Variants in TMEFF2 observed in about 807,000 individuals in gnomAD.
TMEFF2 encodes the protein tomoregulin-2.
TMEFF2 carries 28 observed loss-of-function variants against 53.8 expected under a neutral mutation model. The ratio of observed to expected loss-of-function variants is 0.52; its 90% CI spans 0.39 to 0.71. TMEFF2 has a LOEUF of 0.71. Among genes scored for constraint, TMEFF2 ranks in the 30% least tolerant of loss-of-function variants. TMEFF2 has a pLI of 0.00. For synonymous variants in TMEFF2, 162 were observed against 166.3 expected (o/e 0.97, Z 0.20); for missense variants, 353 against 455.2 (o/e 0.78, Z 2.04).
chr2:192,182,988 C>A (rs1691224112), intron 3 of TMEFF2, among the ~76,000 whole-genome samples: 1 of 151,948 alleles, frequency 6.6e-6, no homozygotes, highest in Admixed American at 6.6e-5. Context: ...TTGACTCTCA[C>A]ATATTGCTGT....
chr2:192,057,228 T>C (rs1006230778), intron 5 of TMEFF2, among the ~76,000 whole-genome samples: 2 of 151,552 alleles, frequency 1.3e-5, no homozygotes, highest in Non-Finnish European at 2.9e-5. Context: ...TATTTTTTTT[T>C]ATGGAGATGT....
intron 7 of TMEFF2, among the ~76,000 whole-genome samples, chr2:191,983,758 A>C (rs1685911142): frequency 6.6e-6 from 1 of 152,230 alleles, no homozygotes; most frequent in Non-Finnish European, 1.5e-5. Flanking sequence ...AACCACTCAA[A>C]GGAAACAGAA....
intron 4 of TMEFF2, chr2:192,176,845 TA>T (rs1456753848): frequency 6.6e-6 from 1 of 151,128 alleles, no homozygotes; most frequent in Non-Finnish European, 1.5e-5. Flanking sequence ...GGAAAATTTT[TA>T]AAAAGTAATA....
chr2:192,043,339 A>G (rs929392873), intron 5 of TMEFF2, among the ~76,000 whole-genome samples: 2 of 152,126 alleles, frequency 1.3e-5, no homozygotes, highest in African/African-American at 2.4e-5. Flanking sequence ...CCCTTTGCAT[A>G]AAGGGGAGGT....
At chr2:192,192,849 T>C (rs936798509) in intron 1 of TMEFF2, among the ~76,000 whole-genome samples, 6 of 152,152 alleles carry the variant, frequency 3.9e-5, no homozygotes, top group African/African-American at 1.4e-4. Flanking sequence ...GATTAGGCAA[T>C]AGCAAAGTGA....
chr2:192,132,209 T>G (rs1282078811), intron 4 of TMEFF2, among the ~76,000 whole-genome samples: 1 of 152,126 alleles, frequency 6.6e-6, no homozygotes, highest in African/African-American at 2.4e-5. Context: ...GCTTACAGTT[T>G]CGTTCTGTGA....
chr2:191,950,610 A>G (rs985636748), intron 9 of TMEFF2: 7 of 732,626 alleles, frequency 9.6e-6, no homozygotes, highest in African/African-American at 9.1e-5. Context: ...TTTGTTGGGA[A>G]TTGAACACAG....
intron 4 of TMEFF2, among the ~76,000 whole-genome samples, chr2:192,163,605 A>T (rs1056992462): frequency 2.0e-5 from 3 of 152,242 alleles, no homozygotes; most frequent in Admixed American, 6.5e-5. Flanking sequence ...CTCAGGCTTT[A>T]TTGAAAAGCC....
intron 4 of TMEFF2, among the ~76,000 whole-genome samples, chr2:192,125,505 A>C (rs1689655436): frequency 6.6e-6 from 1 of 152,212 alleles, no homozygotes; most frequent in African/African-American, 2.4e-5. Context: ...CCTTAAATTT[A>C]AAGTGAAGCT....
chr2:192,107,363 C>T (rs1689172519), intron 4 of TMEFF2, among the ~76,000 whole-genome samples: 2 of 151,580 alleles, frequency 1.3e-5, no homozygotes, highest in South Asian at 4.1e-4. Flanking sequence ...ATTTCCAGAG[C>T]TTCCTTCTTT....
chr2:192,092,207 C>T (rs553333187), intron 4 of TMEFF2, among the ~76,000 whole-genome samples: 1 of 152,148 alleles, frequency 6.6e-6, no homozygotes, highest in South Asian at 2.1e-4. Flanking sequence ...AAAATGGAAT[C>T]ACAATAAAGT....
intron 4 of TMEFF2, among the ~76,000 whole-genome samples, chr2:192,077,869 CTA>C (rs962733986): frequency 2.6e-5 from 4 of 152,034 alleles, no homozygotes; most frequent in African/African-American, 9.7e-5. Context: ...AACAAAACTT[CTA>C]TGTCTTAAAA....
At position 192,075,310 on chromosome 2, in the gene TMEFF2, T is replaced by TATATATATATATATAAATATAA. The variant is rs1559115154; in HGVS notation, c.440-17536_440-17535insTTATATTTATATATATATATAT. On this transcript the variant is annotated intron_variant, in intron 4 of 9. Transcript: ENST00000272771. Reference sequence around the variant, plus strand: ...TTATATATATATATATATATATATATATATATATATATATATATATATACA... The same window carrying TATATATATATATATAAATATAA: ...TTATATATATATATATATATATATATATATATATATATATAAATATAAATATATATATATATATATATATACA... Among the ~76,000 whole-genome samples, 115 of 74,890 alleles carry TATATATATATATATAAATATAA rather than the reference T, an allele frequency of 1.5e-3. 2 individuals are homozygous for TATATATATATATATAAATATAA. Among genetic ancestry groups the TATATATATATATATAAATATAA allele is most frequent in the East Asian group, 2.0e-3 (5 of 2,492 alleles). 49.1% of individuals were successfully genotyped at this position (74,890 alleles called of 152,430 possible). A position where few individuals can be genotyped will look rare whatever the true frequency, so the allele number is the denominator to read the frequency against.
At position 192,194,303 on chromosome 2, in the gene TMEFF2, C is replaced by T; in HGVS notation, c.172+50G>A. 2 of 1,603,732 alleles carry T rather than the reference C, an allele frequency of 1.2e-6. No homozygotes were observed. The highest frequency in any genetic ancestry group is 1.7e-6 in the Non-Finnish European group (2 of 1,173,388). ...GGTAGGCTGGTCTGTGCTGGATACGCGTGTTCTTCTGCGGAGTTAAAGGGT... is the reference window on the plus strand; with the variant it reads ...GGTAGGCTGGTCTGTGCTGGATACGTGTGTTCTTCTGCGGAGTTAAAGGGT... On this transcript the variant is annotated intron_variant, in intron 1 of 9. Transcript: ENST00000272771. This position sits in a 1 kb window ranked among gnomAD's most constrained non-coding sequence, Gnocchi z 4.2.
At chr2:192,041,832 CAT>C (rs758932851) in intron 5 of TMEFF2, among the ~76,000 whole-genome samples, 33 of 152,270 alleles carry the variant, frequency 2.2e-4, no homozygotes, top group Non-Finnish European at 4.0e-4. Flanking sequence ...GTCAGTAAAA[CAT>C]ATAACGTTTT....
intron 4 of TMEFF2, among the ~76,000 whole-genome samples, chr2:192,149,397 GGGGA>G (rs1158602872): frequency 6.6e-6 from 1 of 151,898 alleles, no homozygotes; most frequent in Non-Finnish European, 1.5e-5. Flanking sequence ...CATAGTGAGG[GGGGA>G]GGAAGAAGGA....
At position 192,052,761 on chromosome 2, in the gene TMEFF2, TTCTTC is replaced by T. The variant is rs1198328801; in HGVS notation, c.536+4913_536+4917del. On this transcript the variant is annotated intron_variant, in intron 5 of 9. Coordinates refer to ENST00000272771, the MANE Select transcript of TMEFF2 (RefSeq NM_016192.4). ...GAGAAATGATATTTTAATCCCTTTC[TTCTTC>T]TCTTAACCCCTTCCCCATAAACAGG... 5.9e-5 allele frequency among the ~76,000 whole-genome samples: 9 copies of T among 152,320 alleles called. No homozygotes were observed. In the East Asian group the frequency reaches 1.5e-3, roughly 26 times the overall value.
intron 4 of TMEFF2, among the ~76,000 whole-genome samples, chr2:192,115,934 TA>T (rs1369313454): frequency 6.6e-6 from 1 of 151,872 alleles, no homozygotes. Context: ...TGGTGGTTCC[TA>T]AAAAAATAAA....
chr2:192,139,294 G>A (rs78486961), intron 4 of TMEFF2, among the ~76,000 whole-genome samples: 2,169 of 152,192 alleles, frequency 0.014, 48 homozygotes, highest in African/African-American at 0.046. Context: ...TATAATCATC[G>A]CTTGGGAACA....
Sources: gnomAD v4.1 joint callset for allele counts (sites outside exome capture counted in the v4.1 genomes callset) on GRCh38, gnomAD v4.1.1 for gene constraint, Gnocchi (gnomAD v3.1) non-coding constraint, MANE v1.5 for transcripts, NCBI Gene and HGNC (gene_info 2026-07-23, HGNC 2026-07-21) for gene names.